The following SLC18A1 variants were observed in gnomAD, a reference collection of about 807,000 sequenced individuals.
SLC18A1 encodes chromaffin granule amine transporter.
Under a neutral mutation model 53.7 loss-of-function variants are expected in SLC18A1, and 69 were observed. The ratio of observed to expected loss-of-function variants is 1.28; its 90% CI spans 1.06 to 1.57. The LOEUF (loss-of-function observed/expected upper bound fraction) is 1.57, where lower values mean the gene tolerates loss of function less well. Among genes scored for constraint, SLC18A1 ranks in the 40% most tolerant of loss-of-function variants. The pLI, the probability that SLC18A1 is intolerant of heterozygous loss-of-function variation, is 0.00. For synonymous variants in SLC18A1, 320 were observed against 248.1 expected (o/e 1.29, Z -2.72); for missense variants, 932 against 668.1 (o/e 1.40, Z -4.35).
intron 4 of SLC18A1, 82 bp downstream of exon 4, chr8:20,178,353 T>A (rs2072304150): frequency 1.8e-6 from 2 of 1,091,344 alleles, no homozygotes; most frequent in Non-Finnish European, 2.7e-6. Context: ...CATTCTAGGT[T>A]ACCCTGCTAT....
At chr8:20,177,279 G>A (rs1167777182) in intron 4 of SLC18A1, among the ~76,000 whole-genome samples, 2 of 152,186 alleles carry the variant, frequency 1.3e-5, no homozygotes, top group African/African-American at 2.4e-5. Context: ...TTCCAGCCCA[G>A]AATGCAACAA....
chr8:20,170,410 T>C (rs957703565), intron 8 of SLC18A1, among the ~76,000 whole-genome samples: 1 of 152,164 alleles, frequency 6.6e-6, no homozygotes, highest in African/African-American at 2.4e-5. Flanking sequence ...TGAAGAATGA[T>C]GAGGTGTTAG....
At chr8:20,151,026 C>G (rs2071539434) in intron 10 of SLC18A1, 2 of 387,828 alleles carry the variant, frequency 5.2e-6, no homozygotes, top group South Asian at 5.7e-5. Context: ...GGCTGGAGTG[C>G]AGTGGTACAA....
At chr8:20,182,294 G>GA (rs2072449215) in intron 1 of SLC18A1, among the ~76,000 whole-genome samples, 1 of 152,102 alleles carries the variant, frequency 6.6e-6, no homozygotes, top group South Asian at 2.1e-4. Flanking sequence ...TTTTCTTAGT[G>GA]AAAAAAGTCA....
chr8:20,148,538 G>A lies in SLC18A1; in HGVS notation c.1147-468C>T, dbSNP rs894439038. 6.0e-6 allele frequency: 7 copies of A among 1,168,118 alleles called. 1 individual carries two copies. In the South Asian group the frequency reaches 6.4e-5, roughly 11 times the overall value. 72.4% of individuals were successfully genotyped at this position (1,168,118 alleles called of 1,614,324 possible). A position where few individuals can be genotyped will look rare whatever the true frequency, so the allele number is the denominator to read the frequency against. ...GTAGCTGTTGGAAAAAGAAGATAGA[G>A]AAGAGGCCCCAACAACCAGTTAGCT... On this transcript the variant is annotated intron_variant, in intron 12 of 15. Coordinates refer to ENST00000276373, the MANE Select transcript of SLC18A1 (RefSeq NM_003053.4).
Position 20,147,246 on chromosome 8 carries a change from G to A in SLC18A1, c.1464+12C>T, listed in dbSNP as rs201388543. On this transcript the variant is annotated intron_variant, in intron 15 of 15. Coordinates refer to ENST00000276373, the MANE Select transcript of SLC18A1 (RefSeq NM_003053.4). ...GAAGTGAATTTCTCTTTTAACAGTCGGTGCTCCTTACAAGCTTCTCTTCCT... is the reference window on the plus strand; with the variant it reads ...GAAGTGAATTTCTCTTTTAACAGTCAGTGCTCCTTACAAGCTTCTCTTCCT... The A allele has an allele frequency of 4.5e-5, 71 of 1,585,914 alleles. No homozygotes were observed. In the Middle Eastern group the frequency reaches 2.1e-3, roughly 46 times the overall value.
chr8:20,158,278 T>A (rs2071730758), intron 10 of SLC18A1, among the ~76,000 whole-genome samples: 1 of 152,202 alleles, frequency 6.6e-6, no homozygotes, highest in Non-Finnish European at 1.5e-5. Flanking sequence ...CACTAGATAC[T>A]TCTCCCAGCC....
At chr8:20,155,244 C>T (rs772216556) in intron 10 of SLC18A1, among the ~76,000 whole-genome samples, 1 of 152,172 alleles carries the variant, frequency 6.6e-6, no homozygotes, top group Non-Finnish European at 1.5e-5. Context: ...AGGGCTTCTC[C>T]AAAGTGGTGA....
At chr8:20,164,672 C>T (rs1312655868) in intron 10 of SLC18A1, among the ~76,000 whole-genome samples, 197 bp downstream of exon 10, 1 of 152,188 alleles carries the variant, frequency 6.6e-6, no homozygotes, top group African/African-American at 2.4e-5. Context: ...TAGCCCCTTT[C>T]ATCCTCTCTC....
chr8:20,179,533 T>G (rs2072361908), intron 2 of SLC18A1, 49 bp from the exon 3 acceptor site: 3 of 1,558,042 alleles, frequency 1.9e-6, no homozygotes, highest in African/African-American at 2.7e-5. Context: ...CGATGTCATC[T>G]TACCACTGAA....
At chr8:20,170,958 C>A in intron 8 of SLC18A1, 145 bp downstream of exon 8, 2 of 752,992 alleles carry the variant, frequency 2.7e-6, no homozygotes, top group Non-Finnish European at 4.4e-6. Flanking sequence ...GAAACGTAAC[C>A]CTATCCTGGA....
At position 20,179,140 on chromosome 8, in the gene SLC18A1, C is replaced by T. The variant is rs375952046; in HGVS notation, c.469G>A (p.Val157Met). 30 of 1,612,242 alleles carry T rather than the reference C, an allele frequency of 1.9e-5. No individual in the cohort carries two copies. Among genetic ancestry groups the T allele is most frequent in the African/African-American group, 2.7e-5 (2 of 74,898 alleles). Residue 157 changes from valine (V) to methionine (M), a missense_variant, in exon 3 of 16, where the codon GTG becomes ATG. By Grantham distance (21) the Val-to-Met change is conservative. Coordinates refer to ENST00000276373, the MANE Select transcript of SLC18A1 (RefSeq NM_003053.4). ...AVMQLLVNPF[V>M]GPLTNRIGYH... ...AGATACCTGTTGGTGAGAGGGCCCA[C>T]GAATGGGTTGACCAGAAGTTGCATC...
At chr8:20,166,977 C>T (rs945967842) in intron 8 of SLC18A1, among the ~76,000 whole-genome samples, 3 of 152,136 alleles carry the variant, frequency 2.0e-5, no homozygotes, top group Non-Finnish European at 4.4e-5. Flanking sequence ...GAAACCAACC[C>T]TCAACAGTAC....
Position 20,145,882 on chromosome 8 carries a change from G to A in SLC18A1, c.1465-6C>T. Reference sequence around the variant, plus strand: ...CAGTCCTGACTCAGAATAGCCTGCAGAGAGAGGCAAGAAGAGAAGCCACTG... The same window carrying A: ...CAGTCCTGACTCAGAATAGCCTGCAAAGAGAGGCAAGAAGAGAAGCCACTG... On this transcript the variant is annotated splice_region_variant and splice_polypyrimidine_tract_variant and intron_variant, in intron 15 of 15. Coordinates refer to ENST00000276373, the MANE Select transcript of SLC18A1 (RefSeq NM_003053.4). 1 of 1,549,986 alleles carries A rather than the reference G, an allele frequency of 6.5e-7. No homozygotes were observed. Among genetic ancestry groups the A allele is most frequent in the Non-Finnish European group, 8.8e-7 (1 of 1,134,472 alleles).
Position 20,178,992 on chromosome 8 carries a change from G to T in SLC18A1, c.488+129C>A, listed in dbSNP as rs1057211074. 6.2e-6 allele frequency: 7 copies of T among 1,133,126 alleles called. No individual in the cohort carries two copies. The Admixed American group carries it at 1.1e-4, about 18-fold the overall frequency. 70.2% of individuals were successfully genotyped at this position (1,133,126 alleles called of 1,614,324 possible). On this transcript the variant is annotated intron_variant, in intron 3 of 15. Transcript: ENST00000276373. ...TTATTCTTTGAGTAACGAGCTTTCC[G>T]AATAGCTGACTCCCCTGAGGAATCA... is the stretch of plus-strand genomic sequence containing the variant.
Position 20,179,464 on chromosome 8 carries a change from G to A in SLC18A1, c.145C>T (p.Leu49=), listed in dbSNP as rs771437342. The stretch of plus-strand genomic sequence containing the variant: ...ACTTCTTTGAACTCCATGTCATATA[G>A]GAAGGTGGGCACAATTGGCACTGAA... ...TVVVPIVPTF[L]YDMEFKEVNS... The change falls in exon 3 of 16, where the codon CTA becomes TTA. Residue 49 remains leucine, a synonymous_variant. Transcript: ENST00000276373. The A allele has an allele frequency of 1.2e-6, 2 of 1,611,936 alleles. No homozygotes were observed. The highest frequency in any genetic ancestry group is 2.2e-5 in the South Asian group (2 of 90,926).
intron 6 of SLC18A1, among the ~76,000 whole-genome samples, chr8:20,172,604 T>G (rs561912847): frequency 6.6e-6 from 1 of 152,228 alleles, no homozygotes; most frequent in Non-Finnish European, 1.5e-5. Context: ...TGGCGTTTCC[T>G]AGCTGTGTGA....
intron 6 of SLC18A1, 114 bp downstream of exon 6, chr8:20,172,922 G>C: frequency 1.4e-6 from 1 of 737,438 alleles, no homozygotes; most frequent in South Asian, 1.6e-5. Flanking sequence ...TAAAGGAGTT[G>C]AAATAGGATG....
Position 20,179,282 on chromosome 8 carries a change from G to A in SLC18A1, c.327C>T (p.Thr109=). Residue 109 remains threonine (T), a synonymous_variant, in exon 3 of 16, where the codon ACC becomes ACT. Transcript: ENST00000276373. ...GIAWMNDTAS[T]IPPPATEAIS... is the part of the protein sequence containing the mutation. ...TGGCTTCAGTGGCTGGAGGTGGGAT[G>A]GTGCTGGCAGTGTCATTCATCCATG... 6.2e-7 allele frequency: 1 copy of A among 1,614,184 alleles called. No individual in the cohort carries two copies. The highest frequency in any genetic ancestry group is 8.5e-7 in the Non-Finnish European group (1 of 1,180,038).
Sources: allele counts gnomAD v4.1 joint callset (sites outside exome capture counted in the v4.1 genomes callset), GRCh38; gene constraint gnomAD v4.1.1; transcripts MANE v1.5; gene names NCBI Gene and HGNC (gene_info 2026-07-23, HGNC 2026-07-21).